Variants in NIPA1 observed in about 807,000 individuals in gnomAD.
The protein encoded by NIPA1 is NIPA magnesium transporter 1, also known as magnesium transporter NIPA1.
NIPA1 carries 13 observed loss-of-function variants against 23.9 expected under a neutral mutation model. That is an observed-to-expected ratio of 0.54 (90% CI 0.35 to 0.87). The LOEUF is 0.87. Among genes scored for constraint, NIPA1 ranks in the 40% least tolerant of loss-of-function variants. The pLI, the probability that NIPA1 is intolerant of heterozygous loss-of-function variation, is 0.01. For missense variants in NIPA1, 362 were observed against 429.7 expected, an observed-to-expected ratio of 0.84 and a Z score of 1.39; for synonymous variants, 234 against 202.9, an observed-to-expected ratio of 1.15 and a Z score of -1.30.
chr15:22,806,203 G>A (rs1025605423), intron 1 of NIPA1, among the ~76,000 whole-genome samples: 7 of 152,202 alleles, frequency 4.6e-5, no homozygotes, highest in Middle Eastern at 3.2e-3. Context: ...GATTACAGGC[G>A]TGAGCCACCG....
In NIPA1 at chr15:22,824,375, G is replaced by A. The variant is rs1214016302; in HGVS notation, c.*136G>A. 1 of 841,930 alleles carries A rather than the reference G, an allele frequency of 1.2e-6. No homozygotes were observed. Among genetic ancestry groups the A allele is most frequent in the Non-Finnish European group, 2.0e-6 (1 of 505,748 alleles). 52.2% of individuals were successfully genotyped at this position (841,930 alleles called of 1,614,324 possible). On this transcript the variant is annotated 3_prime_UTR_variant, in exon 5 of 5. Coordinates refer to ENST00000337435, the MANE Select transcript of NIPA1 (RefSeq NM_144599.5). The surrounding 1 kb of genome is among the most constrained non-coding windows in gnomAD (Gnocchi z 4.1). ...ATAGTAACAGGTGGTCTGGTGGATAGCGGGGAGCATGGCTCAGCACCAGAG... is the reference window on the plus strand; with the variant it reads ...ATAGTAACAGGTGGTCTGGTGGATAACGGGGAGCATGGCTCAGCACCAGAG...
Position 22,820,313 on chromosome 15 carries a change from G to T in NIPA1, c.318G>T (p.Gly106=), listed in dbSNP as rs1241721350. ...AATGATTTCTCTTTTTTCAATAAAG[G>T]TCCATTTTAGCTTCCTATCTCCTGA... ...TPLGALGVPF[G]SILASYLLKE... The change falls in exon 4 of 5, where the codon GGG becomes GGT. Residue 106 remains glycine (G), a splice_region_variant and synonymous_variant. Coordinates refer to ENST00000337435, the MANE Select transcript of NIPA1 (RefSeq NM_144599.5). The T allele has an allele frequency of 1.2e-6, 2 of 1,604,916 alleles. No homozygotes were observed. The highest frequency in any genetic ancestry group is 8.5e-7 in the Non-Finnish European group (1 of 1,172,094).
At chr15:22,802,487 G>A (rs376575273) in intron 1 of NIPA1, among the ~76,000 whole-genome samples, 2 of 151,646 alleles carry the variant, frequency 1.3e-5, no homozygotes, top group South Asian at 2.1e-4. Flanking sequence ...ATGAGTGCAC[G>A]AATAAGTGTG....
intron 1 of NIPA1, among the ~76,000 whole-genome samples, chr15:22,797,380 T>C (rs1894960574): frequency 6.6e-6 from 1 of 151,880 alleles, no homozygotes; most frequent in Non-Finnish European, 1.5e-5. Flanking sequence ...CAGCTAATTG[T>C]TTTTTGTACA....
intron 3 of NIPA1, among the ~76,000 whole-genome samples, chr15:22,819,826 A>G (rs566243107): frequency 3.3e-5 from 5 of 152,292 alleles, no homozygotes; most frequent in Admixed American, 3.3e-4. Flanking sequence ...TGTATTTTAT[A>G]TGTGCTGACA....
At chr15:22,788,592 A>T (rs1327164044) in intron 1 of NIPA1, among the ~76,000 whole-genome samples, 3 of 152,024 alleles carry the variant, frequency 2.0e-5, no homozygotes, top group Non-Finnish European at 4.4e-5. Context: ...GGAGCCTAAG[A>T]ACACGTGAAC....
At chr15:22,807,600 A>T (rs1333627116) in intron 1 of NIPA1, among the ~76,000 whole-genome samples, 2 of 152,110 alleles carry the variant, frequency 1.3e-5, no homozygotes, top group African/African-American at 4.8e-5. Flanking sequence ...AAGAAAAAAA[A>T]AATCTAAAAA....
intron 3 of NIPA1, among the ~76,000 whole-genome samples, chr15:22,814,902 G>C (rs1895387134): frequency 6.6e-6 from 1 of 152,086 alleles, no homozygotes; most frequent in African/African-American, 2.4e-5. Context: ...GTTGATGCTT[G>C]AAGCCAGATA....
intron 1 of NIPA1, among the ~76,000 whole-genome samples, chr15:22,808,076 A>G (rs906065890): frequency 6.6e-6 from 1 of 152,136 alleles, no homozygotes; most frequent in African/African-American, 2.4e-5. Flanking sequence ...GGCATGAGCC[A>G]CTGCACCCGG....
chr15:22,819,636 T>A (rs1185899714), intron 3 of NIPA1, among the ~76,000 whole-genome samples: 3 of 152,190 alleles, frequency 2.0e-5, no homozygotes, highest in Non-Finnish European at 4.4e-5. Flanking sequence ...TTTCTTTTGT[T>A]TGTGCATTTT....
chr15:22,789,074 C>CCT (rs1203689152), intron 1 of NIPA1, among the ~76,000 whole-genome samples: 2 of 151,100 alleles, frequency 1.3e-5, no homozygotes, highest in Admixed American at 1.3e-4. Context: ...GCTCACTGAA[C>CCT]CTCTGCCTCC....
Position 22,800,913 on chromosome 15 carries a change from A to C in NIPA1, c.179-9836A>C, listed in dbSNP as rs553835810. Among the ~76,000 whole-genome samples the C allele has an allele frequency of 6.8e-5, 10 of 147,932 alleles. No individual in the cohort carries two copies. In the East Asian group the frequency reaches 1.8e-3, roughly 27 times the overall value. ...GCCACTGCACTCCAGCCTGGGCGACAGTGCGAGACTCCGTCTCAAAAAAAA... is the reference window on the plus strand; with the variant it reads ...GCCACTGCACTCCAGCCTGGGCGACCGTGCGAGACTCCGTCTCAAAAAAAA... On this transcript the variant is annotated intron_variant, in intron 1 of 4. Coordinates refer to ENST00000337435, the MANE Select transcript of NIPA1 (RefSeq NM_144599.5).
chr15:22,823,924 A>G lies in NIPA1; in HGVS notation c.675A>G (p.Arg225=). ...TGCATAACAACCCGTCCAGTCAGAG[A>G]GCCCTCTGCCTGTGCCTGGTACTCC... ...DILHNNPSSQ[R]ALCLCLVLLA... The change falls in exon 5 of 5, where the codon AGA becomes AGG. Residue 225 remains arginine, a synonymous_variant. Coordinates refer to ENST00000337435, the MANE Select transcript of NIPA1 (RefSeq NM_144599.5). The G allele has an allele frequency of 6.2e-7, 1 of 1,613,994 alleles. No individual in the cohort carries two copies. The highest frequency in any genetic ancestry group is 8.5e-7 in the Non-Finnish European group (1 of 1,179,834).
chr15:22,814,264 G>GTTT, intron 3 of NIPA1: 6 of 251,548 alleles, frequency 2.4e-5, no homozygotes, highest in East Asian at 1.0e-4. Flanking sequence ...TTTTTTTTTT[G>GTTT]TTTTTTTTTT....
upstream of NIPA1, among the ~76,000 whole-genome samples, chr15:22,786,471 G>A (rs1894698561): frequency 6.6e-6 from 1 of 151,462 alleles, no homozygotes; most frequent in Non-Finnish European, 1.5e-5. Context: ...GCCGCGTCCG[G>A]CGCCACTGCT....
intron 1 of NIPA1, among the ~76,000 whole-genome samples, chr15:22,796,867 A>G (rs1894948521): frequency 6.6e-6 from 1 of 152,084 alleles, no homozygotes. Flanking sequence ...TATTCAGCAG[A>G]GTATATCTTG....
At chr15:22,800,930 CAAAAAAAAAAAAA>C (rs1183027157) in intron 1 of NIPA1, among the ~76,000 whole-genome samples, 5 of 68,836 alleles carry the variant, frequency 7.3e-5, no homozygotes, top group Admixed American at 4.7e-4. Flanking sequence ...GACTCCGTCT[CAAAAAAAAAAAAA>C]GAAAAAAAAA....
intron 4 of NIPA1, among the ~76,000 whole-genome samples, 164 bp downstream of exon 4, chr15:22,820,637 C>T: frequency 6.6e-6 from 1 of 152,220 alleles, no homozygotes; most frequent in East Asian, 1.9e-4. Flanking sequence ...CATCAGTGGG[C>T]TGTGCTCGCA....
rs1895674679 is a variant in NIPA1, at chr15:22,827,407, G to A, written c.*3168G>A. 6.6e-6 allele frequency: 1 copy of A among 152,238 alleles called. No homozygotes were observed. Among genetic ancestry groups the A allele is most frequent in the African/African-American group, 2.4e-5 (1 of 41,452 alleles). The allele number at this position is 152,238 out of a possible 1,614,324, so 9.4% of individuals were successfully genotyped here. ...CCATCTCTGTGGAGAAGGTGCTGGGGAGGGAAGTCCTTCCAGTGCCACATG... is the reference window on the plus strand; with the variant it reads ...CCATCTCTGTGGAGAAGGTGCTGGGAAGGGAAGTCCTTCCAGTGCCACATG... On this transcript the variant is annotated 3_prime_UTR_variant, in exon 5 of 5. Transcript: ENST00000337435.
Sources: allele counts gnomAD v4.1 joint callset (sites outside exome capture counted in the v4.1 genomes callset), GRCh38; gene constraint gnomAD v4.1.1; non-coding constraint Gnocchi (gnomAD v3.1); transcripts MANE v1.5; gene names NCBI Gene and HGNC (gene_info 2026-07-23, HGNC 2026-07-21).